Variants in SNURF observed in about 807,000 individuals in gnomAD.
SNURF encodes the protein SNURF protein.
Under a neutral mutation model 11.6 loss-of-function variants are expected in SNURF, and 6 were observed. The ratio of observed to expected loss-of-function variants is 0.52; its 90% CI spans 0.28 to 1.02. The LOEUF (loss-of-function observed/expected upper bound fraction) is 1.02. Among genes scored for constraint, SNURF ranks in the 50% least tolerant of loss-of-function variants. The probability of loss-of-function intolerance (pLI) is 0.09; values close to 1 mark genes in which losing one functional copy is unlikely to be tolerated. For synonymous variants in SNURF, 29 were observed against 31.6 expected (o/e 0.92, Z 0.27); for missense variants, 84 against 88.4 (o/e 0.95, Z 0.20).
chr15:24,978,135 A>G (rs193135572), downstream of SNURF: 20 of 1,568,652 alleles, frequency 1.3e-5, no homozygotes, highest in Middle Eastern at 2.1e-4. Flanking sequence ...TTTGGGCTAA[A>G]TTCTAACTTT....
exon 1 of SNURF, chr15:24,955,035 C>T (rs746205195): frequency 1.1e-5 from 17 of 1,612,912 alleles, no homozygotes; most frequent in Admixed American, 1.7e-5. Flanking sequence ...GTCTGAGGAG[C>T]GGTCAGTGAC....
chr15:24,967,965 G>C, exon 3 of SNURF: 1 of 1,614,168 alleles, frequency 6.2e-7, no homozygotes, highest in African/African-American at 1.3e-5. Context: ...CTCAGCAGCA[G>C]CAAGTACCTG....
At chr15:24,976,969 TC>T in exon 6 of SNURF, 1 of 1,604,968 alleles carries the variant, frequency 6.2e-7, no homozygotes, top group Non-Finnish European at 8.5e-7. Flanking sequence ...GTGTGCCAAT[TC>T]CCCAGGCCCC....
intron 2 of SNURF, among the ~76,000 whole-genome samples, chr15:24,963,217 T>C (rs2075113082): frequency 1.3e-5 from 2 of 152,250 alleles, no homozygotes; most frequent in African/African-American, 4.8e-5. Context: ...TTTTACAAAG[T>C]GTGCGTGGTG....
Position 24,962,203 on chromosome 15 carries a change from A to G in SNURF, c.104A>G (p.Asn35Ser), listed in dbSNP as rs752792774. The G allele has an allele frequency of 3.1e-6, 5 of 1,613,526 alleles. No homozygotes were observed. In the South Asian group the frequency reaches 4.4e-5, roughly 14 times the overall value. ...CGCAGAAGGACTGCCTCACTGAGCA[A>G]CCAAGAGTGAGTACAGACTGTGTTG... Residue 35 changes from asparagine to serine, a missense_variant, in exon 2 of 3, where the codon AAC becomes AGC. Coordinates refer to ENST00000577949, the Ensembl canonical transcript of SNURF.
chr15:24,977,067 A>G (rs778834660), intron 6 of SNURF: 31 of 1,502,198 alleles, frequency 2.1e-5, no homozygotes, highest in Admixed American at 9.4e-5. Flanking sequence ...TATTGGGAGA[A>G]TATGACTAAG....
At position 24,976,792 on chromosome 15, in the gene SNURF, G is replaced by C. The variant is rs1030425985; in HGVS notation, c.*310-85G>C. ...TATGAGATAGGTGTCATGGGAAAAT[G>C]GTGGAGAGAAGTGATCTCTGATGAA... On this transcript the variant is annotated intron_variant and NMD_transcript_variant, in intron 5 of 6. Coordinates refer to the SNURF transcript ENST00000580062. 76 of 1,224,590 alleles carry C rather than the reference G, an allele frequency of 6.2e-5. No individual in the cohort carries two copies. The East Asian group carries it at 1.6e-3, about 26-fold the overall frequency. 75.9% of individuals were successfully genotyped at this position (1,224,590 alleles called of 1,614,324 possible). A position where few individuals can be genotyped will look rare whatever the true frequency, so the allele number is the denominator to read the frequency against.
At chr15:24,957,677 T>C (rs1022528485) in intron 1 of SNURF, among the ~76,000 whole-genome samples, 1 of 152,202 alleles carries the variant, frequency 6.6e-6, no homozygotes, top group African/African-American at 2.4e-5. Context: ...AATAATCTAT[T>C]TTTGGGTAGT....
chr15:24,964,541 G>A (rs1006234488), intron 2 of SNURF, among the ~76,000 whole-genome samples: 12 of 152,082 alleles, frequency 7.9e-5, no homozygotes, highest in Admixed American at 3.9e-4. Flanking sequence ...TGATCCGCCC[G>A]CCTTGGTTTC....
At chr15:24,965,388 T>A (rs905898146) in intron 2 of SNURF, among the ~76,000 whole-genome samples, 10 of 151,924 alleles carry the variant, frequency 6.6e-5, no homozygotes, top group Non-Finnish European at 1.3e-4. Context: ...AATAAAAAAA[T>A]CAGCCGGGTG....
At chr15:24,960,814 C>T (rs886981675) in intron 1 of SNURF, among the ~76,000 whole-genome samples, 14 of 152,098 alleles carry the variant, frequency 9.2e-5, no homozygotes, top group African/African-American at 3.1e-4. Flanking sequence ...GAGTGACATA[C>T]AAAAGCTGTA....
chr15:24,977,544 A>G (rs1205729451), intron 6 of SNURF, among the ~76,000 whole-genome samples: 1 of 152,114 alleles, frequency 6.6e-6, no homozygotes, highest in Non-Finnish European at 1.5e-5. Flanking sequence ...GCAGGGAGAC[A>G]GGAGAATCGC....
chr15:24,959,355 G>A (rs965226882), intron 1 of SNURF, among the ~76,000 whole-genome samples: 15 of 152,090 alleles, frequency 9.9e-5, no homozygotes, highest in Non-Finnish European at 1.6e-4. Context: ...AGCCAGGTGC[G>A]GTGGCTCATG....
At chr15:24,958,594 C>G (rs1324762341) in intron 1 of SNURF, 1 of 148,996 alleles carries the variant, frequency 6.7e-6, no homozygotes, top group Non-Finnish European at 1.5e-5. Flanking sequence ...CCTCTCCCTC[C>G]TCAGTCTCTC....
chr15:24,974,201 A>AG, intron 3 of SNURF: 1 of 522,406 alleles, frequency 1.9e-6, no homozygotes, highest in Non-Finnish European at 3.4e-6. Context: ...CTAGTATGAG[A>AG]GGAAGGATGT....
At chr15:24,955,168 T>C (rs1168668066) in intron 1 of SNURF, 106 bp downstream of exon 1, 31 of 1,483,628 alleles carry the variant, frequency 2.1e-5, no homozygotes, top group Non-Finnish European at 2.9e-5. Context: ...ATAAACGGAA[T>C]TTGGGCCCTA....
rs1290699922 is a variant in SNURF, at chr15:24,976,264, C to A, written c.*198-41C>A. On this transcript the variant is annotated intron_variant and NMD_transcript_variant, in intron 4 of 6. Transcript: ENST00000580062. ...ATAAATATTTTGATGAGTGAGTGATCACTAAAATTTATCTCACTAAAATTT... is the reference window on the plus strand; with the variant it reads ...ATAAATATTTTGATGAGTGAGTGATAACTAAAATTTATCTCACTAAAATTT... 4.2e-6 allele frequency: 6 copies of A among 1,416,864 alleles called. No individual in the cohort carries two copies. In the South Asian group the frequency reaches 5.8e-5, roughly 14 times the overall value. The allele number at this position is 1,416,864 out of a possible 1,614,324, so 87.8% of individuals were successfully genotyped here.
At chr15:24,974,870 A>G in intron 3 of SNURF, 1 of 701,148 alleles carries the variant, frequency 1.4e-6, no homozygotes, top group Non-Finnish European at 2.6e-6. Context: ...GGCCATGAGA[A>G]ATGTTTCATG....
At chr15:24,978,471 T>G (rs759379892), downstream of SNURF, 2 of 1,608,392 alleles carry the variant, frequency 1.2e-6, no homozygotes, top group Non-Finnish European at 1.7e-6. Context: ...CTCAGTCACT[T>G]TTTCCCCTGC....
Sources: allele counts gnomAD v4.1 joint callset (sites outside exome capture counted in the v4.1 genomes callset), GRCh38; gene constraint gnomAD v4.1.1; transcripts MANE v1.5; gene names NCBI Gene and HGNC (gene_info 2026-07-23, HGNC 2026-07-21).